The following PTCD2 variants were observed in gnomAD, a reference collection of about 807,000 sequenced individuals.
PTCD2 encodes the protein pentatricopeptide repeat-containing protein 2, mitochondrial.
PTCD2 carries 31 observed loss-of-function variants against 42.6 expected under a neutral mutation model. The observed-to-expected ratio is 0.73, with a 90% CI of 0.55 to 0.98. The LOEUF is 0.98. Among genes scored for constraint, PTCD2 ranks in the 50% least tolerant of loss-of-function variants. The pLI is 0.00. For synonymous variants in PTCD2, 183 were observed against 170.9 expected (o/e 1.07, Z -0.55); for missense variants, 476 against 454.8 (o/e 1.05, Z -0.42).
chr5:72,358,528 A>AAGTG lies in PTCD2; in HGVS notation c.*101_*102insAGTG. ...TCGCACTTCAGCAGACAGTGTGCTG[A>AAGTG]CACTTGGTCTTCTCCTGAAATTCCC... On this transcript the variant is annotated 3_prime_UTR_variant, in exon 10 of 10. Transcript: ENST00000380639. 1 of 810,630 alleles carries AAGTG rather than the reference A, an allele frequency of 1.2e-6. No homozygotes were observed. The highest frequency in any genetic ancestry group is 2.0e-6 in the Non-Finnish European group (1 of 496,060). 50.2% of individuals were successfully genotyped at this position (810,630 alleles called of 1,614,324 possible).
rs1753233091 is a variant in PTCD2 at position 72,367,608 on chromosome 5, T to G, written c.*9181T>G. 1 of 152,186 alleles carries G rather than the reference T, an allele frequency of 6.6e-6. No individual in the cohort carries two copies. The allele number at this position is 152,186 out of a possible 1,614,324, so 9.4% of individuals were successfully genotyped here. A position where few individuals can be genotyped will look rare whatever the true frequency, so the allele number is the denominator to read the frequency against. ...CCTTACATAATGTCTGTGATTTACC[T>G]CACTTATCAAATGAAAAAAACCCAA... On this transcript the variant is annotated 3_prime_UTR_variant, in exon 10 of 10. Coordinates refer to ENST00000380639, the MANE Select transcript of PTCD2 (RefSeq NM_024754.5).
rs1751160773 is a variant in PTCD2 at position 72,326,731 on chromosome 5, G to A, written c.340G>A (p.Val114Ile). Residue 114 changes from valine to isoleucine, a missense_variant, in exon 3 of 10, where the codon GTC (valine) becomes ATC (isoleucine). Transcript: ENST00000380639. ...GGACCATGTGGAACTGGCTAAAAATGTCATTTACAGGTGAGGCATTTCCTT... is the reference window on the plus strand; with the variant it reads ...GGACCATGTGGAACTGGCTAAAAATATCATTTACAGGTGAGGCATTTCCTT... ...SRDHVELAKNVIYRYHAENKN... is the reference protein window; with the variant it reads ...SRDHVELAKNIIYRYHAENKN... The A allele has an allele frequency of 5.0e-6, 8 of 1,613,798 alleles. No homozygotes were observed. Among genetic ancestry groups the A allele is most frequent in the Admixed American group, 1.7e-5 (1 of 59,982 alleles).
intron 7 of PTCD2, among the ~76,000 whole-genome samples, 167 bp downstream of exon 7, chr5:72,338,902 C>T (rs1751900315): frequency 6.6e-6 from 1 of 152,146 alleles, no homozygotes; most frequent in Non-Finnish European, 1.5e-5. Flanking sequence ...TACCTATACC[C>T]ACAAAGAATG....
chr5:72,333,011 G>C (rs1751521285), intron 4 of PTCD2, among the ~76,000 whole-genome samples: 1 of 152,126 alleles, frequency 6.6e-6, no homozygotes, highest in South Asian at 2.1e-4. Context: ...GAGGCTAATT[G>C]AAAATTTAGA....
intron 8 of PTCD2, among the ~76,000 whole-genome samples, chr5:72,350,951 C>T (rs1203353062): frequency 6.6e-6 from 1 of 152,044 alleles, no homozygotes; most frequent in African/African-American, 2.4e-5. Flanking sequence ...GCACATTGTT[C>T]AGTATAATAA....
intron 8 of PTCD2, among the ~76,000 whole-genome samples, chr5:72,344,107 G>A (rs917639796): frequency 2.6e-5 from 4 of 152,228 alleles, no homozygotes; most frequent in Non-Finnish European, 5.9e-5. Context: ...CCCTTAGGGC[G>A]GGAACCTACT....
At chr5:72,343,474 T>C (rs1420971667) in intron 8 of PTCD2, among the ~76,000 whole-genome samples, 3 of 152,234 alleles carry the variant, frequency 2.0e-5, no homozygotes, top group Non-Finnish European at 4.4e-5. Context: ...TATATACTTA[T>C]GGTACACAAA....
At position 72,334,996 on chromosome 5, in the gene PTCD2, CTG is replaced by C. The variant is rs764982868; in HGVS notation, c.469-20_469-19del. 101 of 1,487,824 alleles carry C rather than the reference CTG, an allele frequency of 6.8e-5. No homozygotes were observed. The highest frequency in any genetic ancestry group is 1.7e-4 in the Middle Eastern group (1 of 5,840). 92.2% of individuals were successfully genotyped at this position (1,487,824 alleles called of 1,614,324 possible). On this transcript the variant is annotated intron_variant, in intron 4 of 9. Coordinates refer to ENST00000380639, the MANE Select transcript of PTCD2 (RefSeq NM_024754.5). Reference sequence around the variant, plus strand: ...TAAATAGTTTTAACTTTTAACCAAACTGTATTGTTCTTCTTCGTTAGCATTTA... The same window carrying C: ...TAAATAGTTTTAACTTTTAACCAAACTATTGTTCTTCTTCGTTAGCATTTA...
At chr5:72,322,325 A>G (rs1056534666) in intron 2 of PTCD2, 61 bp downstream of exon 2, 1 of 1,040,374 alleles carries the variant, frequency 9.6e-7, no homozygotes, top group Non-Finnish European at 1.5e-6. Flanking sequence ...CTCTGTCTTT[A>G]TCCCTATTCA....
rs1392572026 is a variant in PTCD2 at position 72,360,222 on chromosome 5, A to G, written c.*1795A>G. ...GTTTTGCACATGCAAAAAAAAAAAA[A>G]AAAGTGCTTGGATTTCTCCACTTTC... is the stretch of plus-strand genomic sequence containing the variant. On this transcript the variant is annotated 3_prime_UTR_variant, in exon 10 of 10. Transcript: ENST00000380639. The G allele has an allele frequency of 6.6e-6, 1 of 152,106 alleles. No individual in the cohort carries two copies. The highest frequency in any genetic ancestry group is 2.4e-5 in the African/African-American group (1 of 41,428). 9.4% of individuals were successfully genotyped at this position (152,106 alleles called of 1,614,324 possible). A position where few individuals can be genotyped will look rare whatever the true frequency, so the allele number is the denominator to read the frequency against.
At chr5:72,320,861 G>A in intron 1 of PTCD2, 2 of 222,136 alleles carry the variant, frequency 9.0e-6, no homozygotes, top group South Asian at 1.2e-4. Context: ...GCTGGAGTGC[G>A]GTGGCGCGAT....
chr5:72,340,405 G>T (rs1751995042), intron 7 of PTCD2, among the ~76,000 whole-genome samples: 1 of 152,034 alleles, frequency 6.6e-6, no homozygotes, highest in Non-Finnish European at 1.5e-5. Context: ...TTTTTGGCCT[G>T]CTGATAATAA....
intron 4 of PTCD2, among the ~76,000 whole-genome samples, chr5:72,334,146 G>A (rs889757872): frequency 3.9e-5 from 6 of 152,094 alleles, no homozygotes; most frequent in East Asian, 1.9e-4. Flanking sequence ...GATTACAGGC[G>A]TGAGCCACCA....
intron 8 of PTCD2, among the ~76,000 whole-genome samples, chr5:72,344,191 T>C (rs897149296): frequency 1.3e-5 from 2 of 152,010 alleles, no homozygotes; most frequent in Non-Finnish European, 2.9e-5. Context: ...TGTTGGGATA[T>C]TGGTTTTGGT....
At position 72,358,622 on chromosome 5, in the gene PTCD2, A is replaced by G. The variant is rs1753004827; in HGVS notation, c.*195A>G. ...TGCACCACTGTGAAGGTCTAGATGC[A>G]AGCTTGGCTCCCTCAGAAAGGCGCT... On this transcript the variant is annotated 3_prime_UTR_variant, in exon 10 of 10. Coordinates refer to ENST00000380639, the MANE Select transcript of PTCD2 (RefSeq NM_024754.5). 3.4e-6 allele frequency: 2 copies of G among 588,064 alleles called. No homozygotes were observed. 36.4% of individuals were successfully genotyped at this position (588,064 alleles called of 1,614,324 possible). A position where few individuals can be genotyped will look rare whatever the true frequency, so the allele number is the denominator to read the frequency against.
chr5:72,358,757 A>G lies in PTCD2; in HGVS notation c.*330A>G, dbSNP rs1055009991. ...ACCATCAGGAATGAATTTCACTACA[A>G]GTGTGGATAACTCTGATTTTCAAAG... On this transcript the variant is annotated 3_prime_UTR_variant, in exon 10 of 10. Transcript: ENST00000380639. The G allele has an allele frequency of 1.6e-5, 5 of 317,290 alleles. No homozygotes were observed. The highest frequency in any genetic ancestry group is 3.0e-5 in the Non-Finnish European group (5 of 168,740). 19.7% of individuals were successfully genotyped at this position (317,290 alleles called of 1,614,324 possible).
In PTCD2 at chr5:72,364,023, G is replaced by A. The variant is rs1008206700; in HGVS notation, c.*5596G>A. The A allele has an allele frequency of 6.6e-6, 1 of 152,166 alleles. No individual in the cohort carries two copies. Among genetic ancestry groups the A allele is most frequent in the Non-Finnish European group, 1.5e-5 (1 of 68,030 alleles). 9.4% of individuals were successfully genotyped at this position (152,166 alleles called of 1,614,324 possible). On this transcript the variant is annotated 3_prime_UTR_variant, in exon 10 of 10. Coordinates refer to ENST00000380639, the MANE Select transcript of PTCD2 (RefSeq NM_024754.5). ...AGAAACCGTGAGGAACCAAATCATG[G>A]TAAAATTGATTCTAAGGAAATGGTT... is the stretch of plus-strand genomic sequence containing the variant.
intron 8 of PTCD2, among the ~76,000 whole-genome samples, chr5:72,350,935 A>G (rs1017891982): frequency 1.8e-4 from 28 of 152,228 alleles, no homozygotes; most frequent in African/African-American, 6.5e-4. Flanking sequence ...TTAAAAGTAC[A>G]TATGTGCACA....
chr5:72,345,568 A>AGTAAAGTTCAG (rs1245315734), intron 8 of PTCD2, among the ~76,000 whole-genome samples: 1 of 152,218 alleles, frequency 6.6e-6, no homozygotes, highest in Non-Finnish European at 1.5e-5. Context: ...GTTCAGAGTA[A>AGTAAAGTTCAG]AGACAGTAAA....
Sources: allele counts gnomAD v4.1 joint callset (sites outside exome capture counted in the v4.1 genomes callset), GRCh38; gene constraint gnomAD v4.1.1; transcripts MANE v1.5; gene names NCBI Gene and HGNC (gene_info 2026-07-23, HGNC 2026-07-21).